ESPL1: variants seen among roughly 807,000 people sequenced by gnomAD.
The protein encoded by ESPL1 is extra spindle pole bodies like 1, separase, also known as separin.
In ESPL1, 50 loss-of-function variants were observed where a neutral mutation model predicts 217.2. The observed-to-expected ratio is 0.23, with a 90% CI of 0.18 to 0.29. ESPL1 has a LOEUF of 0.29. Ranked by LOEUF, ESPL1 falls within the 10% of genes least tolerant of loss-of-function variation. The pLI is 1.00. For synonymous variants in ESPL1, 994 were observed against 1,081.3 expected, an observed-to-expected ratio of 0.92 and a Z score of 1.58; for missense variants, 1,834 against 2,603.0, an observed-to-expected ratio of 0.70 and a Z score of 6.43.
At chr12:53,289,703 C>A in intron 22 of ESPL1, 109 bp downstream of exon 22, 2 of 891,918 alleles carry the variant, frequency 2.2e-6, no homozygotes, top group Non-Finnish European at 3.4e-6. Context: ...GATTTATGAC[C>A]CTTATGTCAT....
chr12:53,281,663 T>C (rs1943864958), intron 13 of ESPL1, 37 bp downstream of exon 13: 1 of 1,593,120 alleles, frequency 6.3e-7, no homozygotes, highest in African/African-American at 1.4e-5. Context: ...AGGCCCTGGG[T>C]ATTAGAAAGA....
chr12:53,289,774 T>C (rs1944019689), intron 22 of ESPL1, 180 bp downstream of exon 22: 1 of 630,066 alleles, frequency 1.6e-6, no homozygotes, highest in Admixed American at 3.2e-5. Context: ...AAACCTCAAC[T>C]TTGAATTACC....
In ESPL1 at chr12:53,269,971, C is replaced by A. The variant is rs747997021; in HGVS notation, c.1029C>A (p.Phe343Leu). ...CATTGTATGAGAGCTGCCAGTTCTT[C>A]CTTTCAGGCCTGGAACGAGGCACCA... ...LRALYESCQFFLSGLERGTKR... is the reference protein window; with the variant it reads ...LRALYESCQFLLSGLERGTKR... The change falls in exon 3 of 31, where the codon TTC (phenylalanine) becomes TTA (leucine). Residue 343 changes from phenylalanine to leucine, a missense_variant. Around this residue, in one of 5 missense-constraint regions of ESPL1, gnomAD observed 746 missense variants for 1,077.0 expected, o/e 0.69. Coordinates refer to ENST00000257934, the MANE Select transcript of ESPL1 (RefSeq NM_012291.5). This position sits in a 1 kb window ranked among gnomAD's most constrained non-coding sequence, Gnocchi z 6.7. 2 of 1,614,202 alleles carry A rather than the reference C, an allele frequency of 1.2e-6. No individual in the cohort carries two copies. Among genetic ancestry groups the A allele is most frequent in the Non-Finnish European group, 1.7e-6 (2 of 1,180,040 alleles).
chr12:53,271,180 T>TTG (rs1943666711), intron 5 of ESPL1, among the ~76,000 whole-genome samples: 2 of 147,400 alleles, frequency 1.4e-5, no homozygotes, highest in South Asian at 2.2e-4. Context: ...GTGTTTTTTT[T>TTG]TTTTTTTTTT....
In ESPL1 at chr12:53,293,330, G is replaced by A. The variant is rs200427483; in HGVS notation, c.6219G>A (p.Thr2073=). Residue 2073 remains threonine, a synonymous_variant, in exon 31 of 31, where the codon ACG becomes ACA. Transcript: ENST00000257934. The surrounding 1 kb of genome is among the most constrained non-coding windows in gnomAD (Gnocchi z 4.2). ...CTGACCGCGACATTGACCGCTACAC[G>A]GAAGCTCTGCTGCAAGGCTGGCTTG... ...DVTDRDIDRY[T]EALLQGWLGA... 2.0e-5 allele frequency: 32 copies of A among 1,614,138 alleles called. No homozygotes were observed. In the African/African-American group the frequency reaches 2.0e-4, roughly 10 times the overall value.
rs1592499435 is a variant in ESPL1 at position 53,292,440 on chromosome 12, A to G, written c.5912+47A>G. 4 of 1,452,714 alleles carry G rather than the reference A, an allele frequency of 2.8e-6. No homozygotes were observed. The East Asian group carries it at 9.1e-5, about 33-fold the overall frequency. The allele number at this position is 1,452,714 out of a possible 1,614,324, so 90.0% of individuals were successfully genotyped here. ...AGACGTGTGGGGAAGGGTAGACAAC[A>G]TACAGGGGCAACAAGCCTTTTCTCC... is the stretch of plus-strand genomic sequence containing the variant. On this transcript the variant is annotated intron_variant, in intron 28 of 30. Transcript: ENST00000257934. The surrounding 1 kb of genome is among the most constrained non-coding windows in gnomAD (Gnocchi z 4.5).
intron 8 of ESPL1, 74 bp downstream of exon 8, chr12:53,276,933 C>T: frequency 5.1e-6 from 8 of 1,574,982 alleles, no homozygotes; most frequent in Non-Finnish European, 6.9e-6. Flanking sequence ...GAACCAGTTT[C>T]CCTCTCCACA....
At position 53,292,445 on chromosome 12, in the gene ESPL1, G is replaced by A; in HGVS notation, c.5912+52G>A. On this transcript the variant is annotated intron_variant, in intron 28 of 30. Transcript: ENST00000257934. This position sits in a 1 kb window ranked among gnomAD's most constrained non-coding sequence, Gnocchi z 4.5. The stretch of plus-strand genomic sequence containing the variant: ...TGTGGGGAAGGGTAGACAACATACA[G>A]GGGCAACAAGCCTTTTCTCCAGAAA... The A allele has an allele frequency of 6.9e-7, 1 of 1,439,408 alleles. No homozygotes were observed. Among genetic ancestry groups the A allele is most frequent in the Non-Finnish European group, 9.8e-7 (1 of 1,020,652 alleles). The allele number at this position is 1,439,408 out of a possible 1,614,324, so 89.2% of individuals were successfully genotyped here.
rs71068103 is a variant in ESPL1, at chr12:53,281,134, C to CTT, written c.2500-353_2500-352dup. ...TTTTGCTTGTAAATACTTTACTCCA[C>CTT]TTTTTTTTTTTTTTTTTTTTTGAGA... On this transcript the variant is annotated intron_variant, in intron 12 of 30. Transcript: ENST00000257934. 1.4e-3 allele frequency among the ~76,000 whole-genome samples: 102 copies of CTT among 72,416 alleles called. 3 individuals are homozygous for CTT. Among genetic ancestry groups the CTT allele is most frequent in the South Asian group, 2.6e-3 (5 of 1,890 alleles). 47.5% of individuals were successfully genotyped at this position (72,416 alleles called of 152,430 possible).
In ESPL1 at chr12:53,268,389, A is replaced by C; in HGVS notation, c.-13+12A>C. The C allele has an allele frequency of 4.4e-6, 1 of 226,306 alleles. No individual in the cohort carries two copies. Among genetic ancestry groups the C allele is most frequent in the African/African-American group, 2.3e-5 (1 of 43,402 alleles). 14.0% of individuals were successfully genotyped at this position (226,306 alleles called of 1,614,324 possible). ...CGAGCTCTGGGGCGGTAAGGCCGGA[A>C]GGGACTCGTGAGCGTGGGTACGTGC... On this transcript the variant is annotated intron_variant, in intron 1 of 30. Transcript: ENST00000257934.
chr12:53,287,104 G>A lies in ESPL1; in HGVS notation c.4176+192G>A, dbSNP rs142282612. On this transcript the variant is annotated intron_variant, in intron 18 of 30. Coordinates refer to ENST00000257934, the MANE Select transcript of ESPL1 (RefSeq NM_012291.5). Reference sequence around the variant, plus strand: ...TGTTGTTTTTTTGAGAAGGAGTCTCGCTCTGTCGCCCAGGCTGGAGTGCAG... The same window carrying A: ...TGTTGTTTTTTTGAGAAGGAGTCTCACTCTGTCGCCCAGGCTGGAGTGCAG... 2.6e-3 allele frequency among the ~76,000 whole-genome samples: 399 copies of A among 152,056 alleles called. 6 individuals are homozygous for A. Among genetic ancestry groups the A allele is most frequent in the Admixed American group, 0.023 (353 of 15,260 alleles).
chr12:53,289,605 A>C lies in ESPL1; in HGVS notation c.5113+11A>C. On this transcript the variant is annotated intron_variant, in intron 22 of 30. Transcript: ENST00000257934. ...CTCTGATCCCCAGTGGTATGCGGGC[A>C]GCCTTCTGGCCGGCTCCTCTGTCCT... 1 of 1,610,230 alleles carries C rather than the reference A, an allele frequency of 6.2e-7. No homozygotes were observed. The highest frequency in any genetic ancestry group is 8.5e-7 in the Non-Finnish European group (1 of 1,178,170).
Position 53,288,186 on chromosome 12 carries a change from G to C in ESPL1, c.4391G>C (p.Arg1464Thr), listed in dbSNP as rs769403433. Reference sequence around the variant, plus strand: ...CGGAGGGCCAAGAAGGTGGCATCAAGACATTGTGAGGAGCGGCGTCCCCAG... The same window carrying C: ...CGGAGGGCCAAGAAGGTGGCATCAACACATTGTGAGGAGCGGCGTCCCCAG... Reference protein sequence around the residue: ...RSRRAKKVASRHCEERRPQRA... With the variant: ...RSRRAKKVASTHCEERRPQRA... Residue 1464 changes from arginine (R) to threonine (T), a missense_variant, in exon 19 of 31, where the codon AGA (arginine) becomes ACA (threonine). By Grantham distance (71) the Arg-to-Thr change is moderately conservative (BLOSUM62 -1). Coordinates refer to ENST00000257934, the MANE Select transcript of ESPL1 (RefSeq NM_012291.5). 1 of 1,612,158 alleles carries C rather than the reference G, an allele frequency of 6.2e-7. No homozygotes were observed. Among genetic ancestry groups the C allele is most frequent in the South Asian group, 1.1e-5 (1 of 90,834 alleles).
At chr12:53,289,013 C>A in intron 20 of ESPL1, 77 bp from the exon 21 acceptor site, 2 of 1,178,370 alleles carry the variant, frequency 1.7e-6, no homozygotes, top group Non-Finnish European at 2.5e-6. Flanking sequence ...GAGATAGGGA[C>A]TGTTCCTTCT....
chr12:53,289,550 C>G lies in ESPL1; in HGVS notation c.5069C>G (p.Pro1690Arg). 3 of 1,614,152 alleles carry G rather than the reference C, an allele frequency of 1.9e-6. No homozygotes were observed. Among genetic ancestry groups the G allele is most frequent in the Non-Finnish European group, 2.5e-6 (3 of 1,180,036 alleles). The change falls in exon 22 of 31, where the codon CCT becomes CGT. Residue 1690 changes from proline to arginine, a missense_variant. By Grantham distance (103) the Pro-to-Arg change is moderately radical. Coordinates refer to ENST00000257934, the MANE Select transcript of ESPL1 (RefSeq NM_012291.5). ...RALESGHFPQPEKESFQERLA... is the reference protein window; with the variant it reads ...RALESGHFPQREKESFQERLA... ...TTGGAATCTGGCCACTTCCCCCAGC[C>G]TGAAAAGGAGAGTTTCCAGGAGCGC...
Position 53,286,192 on chromosome 12 carries a change from C to T in ESPL1, c.3456C>T (p.Ala1152=). ...HSPTCDCSLC[A]SPVLTAVCLR... ...CCACCTGTGACTGCTCGCTCTGCGCCAGCCCTGTCCTCACAGCAGTCTGTC... is the reference window on the plus strand; with the variant it reads ...CCACCTGTGACTGCTCGCTCTGCGCTAGCCCTGTCCTCACAGCAGTCTGTC... The change falls in exon 18 of 31, where the codon GCC becomes GCT. Residue 1152 remains alanine, a synonymous_variant. Transcript: ENST00000257934. This position sits in a 1 kb window ranked among gnomAD's most constrained non-coding sequence, Gnocchi z 5.3. 1 of 1,614,262 alleles carries T rather than the reference C, an allele frequency of 6.2e-7. No homozygotes were observed. The highest frequency in any genetic ancestry group is 8.5e-7 in the Non-Finnish European group (1 of 1,180,044).
In ESPL1 at chr12:53,272,749, C is replaced by T. The variant is rs767382365; in HGVS notation, c.1398C>T (p.Ser466=). The stretch of plus-strand genomic sequence containing the variant: ...CTTACACCAGTAATTTGGCCTACAG[C>T]TTCTATAGTCACAAGCTCTATGCCG... ...TASYTSNLAY[S]FYSHKLYAEA... Residue 466 remains serine, a synonymous_variant, in exon 6 of 31, where the codon AGC becomes AGT. Transcript: ENST00000257934. 1 of 1,614,062 alleles carries T rather than the reference C, an allele frequency of 6.2e-7. No individual in the cohort carries two copies. The highest frequency in any genetic ancestry group is 2.2e-5 in the East Asian group (1 of 44,876).
At chr12:53,278,739 G>A (rs1356975510) in intron 11 of ESPL1, among the ~76,000 whole-genome samples, 3 of 148,330 alleles carry the variant, frequency 2.0e-5, no homozygotes, top group South Asian at 4.3e-4. Context: ...CTACAGGCAC[G>A]CAACCACGCC....
chr12:53,269,754 C>T lies in ESPL1; in HGVS notation c.812C>T (p.Ala271Val). Reference protein sequence around the residue: ...RFCWSRHHDKAISAVEKAHSY... With the variant: ...RFCWSRHHDKVISAVEKAHSY... Reference sequence around the variant, plus strand: ...TGCTGGAGCCGCCACCATGACAAAGCCATCAGCGCAGTGGAGAAGGCTCAC... The same window carrying T: ...TGCTGGAGCCGCCACCATGACAAAGTCATCAGCGCAGTGGAGAAGGCTCAC... The change falls in exon 3 of 31, where the codon GCC (alanine) becomes GTC (valine). Residue 271 changes from alanine to valine, a missense_variant. Transcript: ENST00000257934. This position sits in a 1 kb window ranked among gnomAD's most constrained non-coding sequence, Gnocchi z 6.7. The T allele has an allele frequency of 1.9e-6, 3 of 1,614,182 alleles. No individual in the cohort carries two copies. Among genetic ancestry groups the T allele is most frequent in the Non-Finnish European group, 2.5e-6 (3 of 1,180,038 alleles).
Sources: gnomAD v4.1 joint callset for allele counts (sites outside exome capture counted in the v4.1 genomes callset) on GRCh38, gnomAD v4.1.1 for gene constraint, gnomAD v4.1.1 regional missense constraint, Gnocchi (gnomAD v3.1) non-coding constraint, MANE v1.5 for transcripts, NCBI Gene and HGNC (gene_info 2026-07-23, HGNC 2026-07-21) for gene names.